KLHL7: variants seen among roughly 807,000 people sequenced by gnomAD.
KLHL7 encodes the protein kelch-like protein 7.
Under a neutral mutation model 67.4 loss-of-function variants are expected in KLHL7, and 44 were observed. The ratio of observed to expected loss-of-function variants is 0.65; its 90% CI spans 0.51 to 0.84. The LOEUF is 0.84. Among genes scored for constraint, KLHL7 ranks in the 40% least tolerant of loss-of-function variants. The pLI is 0.00. For synonymous variants in KLHL7, 252 were observed against 243.3 expected (o/e 1.04, Z -0.33); for missense variants, 362 against 718.1 (o/e 0.50, Z 5.67).
At chr7:23,123,090 G>A (rs1009715319) in intron 1 of KLHL7, among the ~76,000 whole-genome samples, 11 of 152,038 alleles carry the variant, frequency 7.2e-5, no homozygotes, top group Non-Finnish European at 1.6e-4. Flanking sequence ...TTTTAATTAA[G>A]TATTACTCAG....
intron 4 of KLHL7, among the ~76,000 whole-genome samples, chr7:23,137,191 G>A (rs371800745): frequency 7.2e-5 from 11 of 152,216 alleles, no homozygotes; most frequent in African/African-American, 1.7e-4. Flanking sequence ...AGACTGGGGC[G>A]GGGGAATCAC....
At chr7:23,141,196 A>G (rs559627280) in intron 5 of KLHL7, among the ~76,000 whole-genome samples, 42 of 152,348 alleles carry the variant, frequency 2.8e-4, no homozygotes, top group Admixed American at 2.1e-3. Context: ...CCACTTCCCA[A>G]TCCCCAGCAT....
chr7:23,131,201 G>A (rs572010309), intron 4 of KLHL7, among the ~76,000 whole-genome samples: 36 of 152,224 alleles, frequency 2.4e-4, no homozygotes, highest in African/African-American at 8.4e-4. Context: ...GATAAAACTC[G>A]ACTGTCTTCC....
intron 9 of KLHL7, among the ~76,000 whole-genome samples, chr7:23,171,660 C>G (rs1785166102): frequency 6.6e-6 from 1 of 152,212 alleles, no homozygotes; most frequent in African/African-American, 2.4e-5. Flanking sequence ...GTTAATACTT[C>G]AGAGTTAATC....
At chr7:23,150,888 A>G (rs1784510716) in intron 6 of KLHL7, among the ~76,000 whole-genome samples, 1 of 152,228 alleles carries the variant, frequency 6.6e-6, no homozygotes, top group African/African-American at 2.4e-5. Flanking sequence ...TTTAAGAGTT[A>G]TAGTTCTTTT....
At chr7:23,147,359 G>A (rs527979209) in intron 6 of KLHL7, among the ~76,000 whole-genome samples, 85 of 152,092 alleles carry the variant, frequency 5.6e-4, no homozygotes, top group Non-Finnish European at 1.1e-3. Context: ...CAAAGTGCTG[G>A]GATTACAGGT....
chr7:23,121,022 G>A (rs917342640), intron 1 of KLHL7, among the ~76,000 whole-genome samples: 7 of 152,004 alleles, frequency 4.6e-5, no homozygotes, highest in African/African-American at 1.7e-4. Flanking sequence ...AGTATCTTCT[G>A]TTCTGCTTTT....
chr7:23,132,662 G>A (rs1350869915), intron 4 of KLHL7, among the ~76,000 whole-genome samples: 3 of 152,042 alleles, frequency 2.0e-5, no homozygotes, highest in African/African-American at 7.2e-5. Flanking sequence ...GACTCCATTT[G>A]TCCATCTTTG....
intron 4 of KLHL7, chr7:23,125,747 C>A: frequency 6.8e-7 from 1 of 1,477,844 alleles, no homozygotes; most frequent in South Asian, 1.5e-5. Flanking sequence ...AAAGTATTTT[C>A]TATTTTGTGA....
intron 6 of KLHL7, 96 bp downstream of exon 6, chr7:23,144,121 A>G (rs543847022): frequency 9.5e-7 from 1 of 1,049,698 alleles, no homozygotes; most frequent in African/African-American, 1.6e-5. Flanking sequence ...GTAGCCAGGG[A>G]GAAACATTCA....
chr7:23,150,602 C>A (rs1719585096), intron 6 of KLHL7, among the ~76,000 whole-genome samples: 2 of 152,216 alleles, frequency 1.3e-5, no homozygotes, highest in African/African-American at 4.8e-5. Context: ...ACTTCCCTAA[C>A]AGTGAACTTT....
chr7:23,122,023 G>C (rs1371666670), intron 1 of KLHL7, among the ~76,000 whole-genome samples: 1 of 152,060 alleles, frequency 6.6e-6, no homozygotes, highest in Non-Finnish European at 1.5e-5. Flanking sequence ...TTGTAGTATA[G>C]GCAAATAAAT....
At chr7:23,139,101 A>C (rs1447996083) in intron 4 of KLHL7, among the ~76,000 whole-genome samples, 4 of 151,902 alleles carry the variant, frequency 2.6e-5, no homozygotes. Flanking sequence ...AAAAAAAAAA[A>C]AAACAAGAAT....
At chr7:23,162,838 A>G (rs1784889462) in intron 7 of KLHL7, among the ~76,000 whole-genome samples, 1 of 152,158 alleles carries the variant, frequency 6.6e-6, no homozygotes, top group Non-Finnish European at 1.5e-5. Context: ...CTCAGGTTGG[A>G]TTGATTCCCT....
Position 23,165,780 on chromosome 7 carries a change from T to C in KLHL7, c.1019T>C (p.Ile340Thr). The C allele has an allele frequency of 6.2e-7, 1 of 1,614,154 alleles. No individual in the cohort carries two copies. Among genetic ancestry groups the C allele is most frequent in the Non-Finnish European group, 8.5e-7 (1 of 1,179,996 alleles). The change falls in exon 8 of 11, where the codon ATT becomes ACT. Residue 340 changes from isoleucine (I) to threonine (T), a missense_variant. Physicochemically the swap from Ile to Thr is moderately conservative, Grantham distance 89 (BLOSUM62 -1). This residue lies in a region of KLHL7 where 12 missense variants were observed against 81.8 expected (regional missense o/e 0.15). Transcript: ENST00000339077. ...GTGTTTTGGGACAATGTAGTATACA[T>C]TTTGGGAGGCTCTCAGCTTTTCCCA... ...ACVFWDNVVY[I>T]LGGSQLFPIK...
At chr7:23,161,631 C>T (rs1251320754) in intron 7 of KLHL7, among the ~76,000 whole-genome samples, 1 of 152,182 alleles carries the variant, frequency 6.6e-6, no homozygotes, top group Non-Finnish European at 1.5e-5. Flanking sequence ...TTACAGGTCC[C>T]TCTGGTTTTC....
Position 23,172,972 on chromosome 7 carries a change from T to C in KLHL7, c.1404T>C (p.Ile468=). ...TETWTELCPM[I]EARKNHGLVF... ...GATGGACTGAGCTGTGTCCAATGAT[T>C]GAAGCCAGGAAGAATCATGGGCTGG... The change falls in exon 10 of 11, where the codon ATT becomes ATC. Residue 468 remains isoleucine (I), a synonymous_variant. Transcript: ENST00000339077. The C allele has an allele frequency of 6.2e-7, 1 of 1,613,864 alleles. No individual in the cohort carries two copies. The highest frequency in any genetic ancestry group is 8.5e-7 in the Non-Finnish European group (1 of 1,179,806).
At chr7:23,129,379 CA>C in intron 4 of KLHL7, 1 of 386,702 alleles carries the variant, frequency 2.6e-6, no homozygotes, top group Non-Finnish European at 5.2e-6. Flanking sequence ...AAACTCATCC[CA>C]AATGATGTTA....
chr7:23,160,330 A>G (rs1784823183), intron 7 of KLHL7, among the ~76,000 whole-genome samples: 1 of 152,224 alleles, frequency 6.6e-6, no homozygotes, highest in Non-Finnish European at 1.5e-5. Context: ...ATCAAGCATA[A>G]TATCCATGTC....
Sources: gnomAD v4.1 joint callset for allele counts (sites outside exome capture counted in the v4.1 genomes callset) on GRCh38, gnomAD v4.1.1 for gene constraint, gnomAD v4.1.1 regional missense constraint, MANE v1.5 for transcripts, NCBI Gene and HGNC (gene_info 2026-07-23, HGNC 2026-07-21) for gene names.